The following DPY19L1 variants were observed in gnomAD, a reference collection of about 807,000 sequenced individuals.
DPY19L1 encodes the protein dpy-19 like C-mannosyltransferase 1.
In DPY19L1, 35 loss-of-function variants were observed where a neutral mutation model predicts 96.9. The ratio of observed to expected loss-of-function variants is 0.36; its 90% CI spans 0.28 to 0.48. DPY19L1 has a LOEUF of 0.48. DPY19L1 is among the 20% of genes least tolerant of loss of function. The pLI, the probability that DPY19L1 is intolerant of heterozygous loss-of-function variation, is 0.99. For missense variants in DPY19L1, 521 were observed against 777.9 expected (o/e 0.67, Z 3.93); for synonymous variants, 205 against 252.6 (o/e 0.81, Z 1.79).
rs1486204512 is a variant in DPY19L1 at position 34,945,827 on chromosome 7, A to C, written c.1495-111T>G. 4.2e-6 allele frequency: 3 copies of C among 721,440 alleles called. No homozygotes were observed. In the East Asian group the frequency reaches 8.3e-5, roughly 20 times the overall value. The allele number at this position is 721,440 out of a possible 1,614,324, so 44.7% of individuals were successfully genotyped here. A position where few individuals can be genotyped will look rare whatever the true frequency, so the allele number is the denominator to read the frequency against. The stretch of plus-strand genomic sequence containing the variant: ...ACTTTTAATGAAAATATAAGTATAG[A>C]GATAACTCAGAAAATAATAATCACA... On this transcript the variant is annotated intron_variant, in intron 15 of 21. Transcript: ENST00000638088.
In DPY19L1 at chr7:34,997,609, C is replaced by CAAAAA. The variant is rs3048611; in HGVS notation, c.765-7673_765-7669dup. 1.2e-3 allele frequency among the ~76,000 whole-genome samples: 91 copies of CAAAAA among 75,586 alleles called. 1 individual carries two copies. Among genetic ancestry groups the CAAAAA allele is most frequent in the African/African-American group, 1.3e-3 (24 of 18,540 alleles). The allele number at this position is 75,586 out of a possible 152,430, so 49.6% of individuals were successfully genotyped here. ...TGGGCAACTGAGCGAGACTCCGTCTCAAAAAAAAAAAAAAAAAAAAAAAAG... is the reference window on the plus strand; with the variant it reads ...TGGGCAACTGAGCGAGACTCCGTCTCAAAAAAAAAAAAAAAAAAAAAAAAAAAAAG... On this transcript the variant is annotated intron_variant, in intron 6 of 21. Transcript: ENST00000638088.
rs756987922 is a variant in DPY19L1, at chr7:34,940,127, T to A, written c.1864+26A>T. 3.5e-6 allele frequency: 5 copies of A among 1,441,210 alleles called. No homozygotes were observed. In the East Asian group the frequency reaches 1.3e-4, roughly 37 times the overall value. The allele number at this position is 1,441,210 out of a possible 1,614,324, so 89.3% of individuals were successfully genotyped here. On this transcript the variant is annotated intron_variant, in intron 19 of 21. Transcript: ENST00000638088. ...GGGAAAAACAGCTAAATAATATGAC[T>A]TTTTTTTTCTTTTTTTTTTTTTTAC...
intron 14 of DPY19L1, among the ~76,000 whole-genome samples, chr7:34,948,261 T>C (rs2128783797): frequency 6.6e-6 from 1 of 152,310 alleles, no homozygotes; most frequent in East Asian, 1.9e-4. Flanking sequence ...AAACCACTGT[T>C]AAAATTTTGC....
chr7:35,038,016 A>G, upstream of DPY19L1: 1 of 880,398 alleles, frequency 1.1e-6, no homozygotes, highest in African/African-American at 1.8e-5. Context: ...GGGCAGGGAG[A>G]AGGCGCCCGG....
intron 13 of DPY19L1, among the ~76,000 whole-genome samples, chr7:34,954,177 T>C (rs910908767): frequency 1.7e-4 from 26 of 152,156 alleles, no homozygotes; most frequent in Non-Finnish European, 8.8e-5. Flanking sequence ...TCTTTAAAAT[T>C]ATAAGACAGA....
intron 8 of DPY19L1, among the ~76,000 whole-genome samples, chr7:34,973,225 C>T (rs13310769): frequency 1.1e-4 from 16 of 152,078 alleles, no homozygotes; most frequent in South Asian, 4.2e-4. Flanking sequence ...CAAGAGGTTA[C>T]AGTGGTAACA....
chr7:34,945,617 A>G, intron 16 of DPY19L1, 50 bp downstream of exon 16: 1 of 1,248,704 alleles, frequency 8.0e-7, no homozygotes, highest in Non-Finnish European at 1.1e-6. Flanking sequence ...GTAAATATCT[A>G]TTTAATAAAT....
intron 7 of DPY19L1, among the ~76,000 whole-genome samples, chr7:34,978,075 ATC>A (rs1784865889): frequency 2.0e-5 from 3 of 152,224 alleles, no homozygotes; most frequent in Non-Finnish European, 2.9e-5. Context: ...TAATTTTCCA[ATC>A]TCTATTTTCA....
chr7:35,017,790 C>T lies in DPY19L1; in HGVS notation c.411+92G>A, dbSNP rs564761799. 7.2e-5 allele frequency: 75 copies of T among 1,035,336 alleles called. No homozygotes were observed. The African/African-American group carries it at 1.1e-3, about 16-fold the overall frequency. The allele number at this position is 1,035,336 out of a possible 1,614,324, so 64.1% of individuals were successfully genotyped here. On this transcript the variant is annotated intron_variant, in intron 3 of 21. Transcript: ENST00000638088. ...GAAGGTGGAGCATCTACTCTTTCTA[C>T]TTTGGAACATCTTGAAATTTTCCAT...
intron 3 of DPY19L1, among the ~76,000 whole-genome samples, chr7:35,015,107 C>T (rs1584256731): frequency 6.6e-6 from 1 of 152,158 alleles, no homozygotes; most frequent in Non-Finnish European, 1.5e-5. Context: ...TAGCTTGTTG[C>T]ACTTCTTTAT....
chr7:34,953,925 AGGGAAGATTCCT>A (rs1472780508), intron 13 of DPY19L1, among the ~76,000 whole-genome samples: 4 of 152,188 alleles, frequency 2.6e-5, no homozygotes, highest in Non-Finnish European at 5.9e-5. Flanking sequence ...GACAGCCCTC[AGGGAAGATTCCT>A]GGGAAGTCCT....
chr7:34,985,293 A>C (rs1474808822), intron 7 of DPY19L1, among the ~76,000 whole-genome samples: 1 of 152,174 alleles, frequency 6.6e-6, no homozygotes, highest in East Asian at 1.9e-4. Context: ...AAGACTGCAA[A>C]AGCACAGACA....
At chr7:35,025,425 C>A (rs920870168) in intron 1 of DPY19L1, among the ~76,000 whole-genome samples, 1 of 151,758 alleles carries the variant, frequency 6.6e-6, no homozygotes, top group Non-Finnish European at 1.5e-5. Context: ...GGCATAAAGT[C>A]TAAGAACTAT....
chr7:34,999,167 A>G (rs183629471), intron 6 of DPY19L1, among the ~76,000 whole-genome samples: 1 of 152,316 alleles, frequency 6.6e-6, no homozygotes, highest in East Asian at 1.9e-4. Context: ...CTACCACATC[A>G]TGACCTTTTA....
At chr7:34,941,444 T>G (rs1448288765) in intron 18 of DPY19L1, among the ~76,000 whole-genome samples, 1 of 152,228 alleles carries the variant, frequency 6.6e-6, no homozygotes, top group South Asian at 2.1e-4. Flanking sequence ...ATTATTAGAT[T>G]TCTTTGTGAT....
intron 18 of DPY19L1, among the ~76,000 whole-genome samples, chr7:34,941,016 C>T (rs536815530): frequency 6.6e-6 from 1 of 152,172 alleles, no homozygotes; most frequent in African/African-American, 2.4e-5. Context: ...GTCCACACTC[C>T]ATAACAACAC....
chr7:34,964,963 G>A lies in DPY19L1; in HGVS notation c.1092+1931C>T, dbSNP rs183268486. Among the ~76,000 whole-genome samples, 588 of 152,098 alleles carry A rather than the reference G, an allele frequency of 3.9e-3. 1 individual carries two copies. The highest frequency in any genetic ancestry group is 5.9e-3 in the Non-Finnish European group (402 of 67,960). ...ATGAATCAGAGAAAATGCAAATTAA[G>A]GTTACAAGATACCATTTTACACGAA... On this transcript the variant is annotated intron_variant, in intron 10 of 21. Transcript: ENST00000638088.
intron 1 of DPY19L1, among the ~76,000 whole-genome samples, chr7:35,019,917 G>C (rs970438897): frequency 1.3e-5 from 2 of 151,844 alleles, no homozygotes; most frequent in Non-Finnish European, 2.9e-5. Flanking sequence ...CCAGCTACTC[G>C]GCTGGAGGAA....
At chr7:34,972,374 C>G (rs1431221217) in intron 8 of DPY19L1, among the ~76,000 whole-genome samples, 1 of 152,166 alleles carries the variant, frequency 6.6e-6, no homozygotes, top group Non-Finnish European at 1.5e-5. Flanking sequence ...AGCGCTCAGT[C>G]CCCGGAGCAG....
Sources: gnomAD v4.1 joint callset for allele counts (sites outside exome capture counted in the v4.1 genomes callset) on GRCh38, gnomAD v4.1.1 for gene constraint, MANE v1.5 for transcripts, NCBI Gene and HGNC (gene_info 2026-07-23, HGNC 2026-07-21) for gene names.